Variants in ALDH1L1 observed in about 807,000 individuals in gnomAD.
The protein encoded by ALDH1L1 is aldehyde dehydrogenase 1 family member L1.
Under a neutral mutation model 101.1 loss-of-function variants are expected in ALDH1L1, and 68 were observed. That is an observed-to-expected ratio of 0.67 (90% CI 0.55 to 0.82). The LOEUF is 0.82. Ranked by LOEUF, ALDH1L1 falls within the 40% of genes least tolerant of loss-of-function variation. The pLI, the probability that ALDH1L1 is intolerant of heterozygous loss-of-function variation, is 0.00. For missense variants in ALDH1L1, 1,087 were observed against 1,172.7 expected (o/e 0.93, Z 1.07); for synonymous variants, 486 against 470.8 (o/e 1.03, Z -0.42).
At chr3:126,177,323 A>T (rs1559978891) in intron 1 of ALDH1L1, among the ~76,000 whole-genome samples, 1 of 152,256 alleles carries the variant, frequency 6.6e-6, no homozygotes, top group Non-Finnish European at 1.5e-5. Context: ...ATGTGAATGG[A>T]GAAATAAACT....
chr3:126,129,412 G>C (rs1239326511), intron 14 of ALDH1L1: 1 of 152,504 alleles, frequency 6.6e-6, no homozygotes, highest in Admixed American at 6.5e-5. Context: ...GCTCATGCCA[G>C]CTGGGCCCTG....
upstream of ALDH1L1, chr3:126,181,222 C>T: frequency 6.7e-6 from 4 of 594,336 alleles, no homozygotes; most frequent in Non-Finnish European, 9.0e-6. Context: ...CTGGCCAGCC[C>T]GGTCTCAGGC....
intron 1 of ALDH1L1, among the ~76,000 whole-genome samples, chr3:126,187,079 G>T (rs1019631040): frequency 6.6e-6 from 1 of 152,162 alleles, no homozygotes; most frequent in African/African-American, 2.4e-5. Context: ...AGCACACACT[G>T]CGAAGTGTTT....
intron 9 of ALDH1L1, among the ~76,000 whole-genome samples, chr3:126,138,557 T>C (rs2080501956): frequency 1.3e-5 from 2 of 152,188 alleles, no homozygotes; most frequent in Admixed American, 6.5e-5. Flanking sequence ...ACTGGGGAAA[T>C]GCAAATTAAA....
upstream of ALDH1L1, chr3:126,180,864 C>T (rs1028813199): frequency 2.9e-5 from 46 of 1,563,926 alleles, no homozygotes; most frequent in Non-Finnish European, 4.0e-5. Flanking sequence ...GCTGGCAGTT[C>T]TGAGCGCTGG....
rs1279364095 is a variant in ALDH1L1, at chr3:126,150,470, T to C, written c.920A>G (p.Lys307Arg). 3 of 1,551,610 alleles carry C rather than the reference T, an allele frequency of 1.9e-6. No homozygotes were observed. In the Admixed American group the frequency reaches 5.9e-5, roughly 30 times the overall value. Residue 307 changes from lysine (K) to arginine (R), a missense_variant, in exon 8 of 23, where the codon AAG (lysine) becomes AGG (arginine). Physicochemically the swap from Lys to Arg is conservative, Grantham distance 26. Around this residue, in one of 2 missense-constraint regions of ALDH1L1, gnomAD observed 645 missense variants for 637.0 expected, o/e 1.01. Coordinates refer to ENST00000393434, the MANE Select transcript of ALDH1L1 (RefSeq NM_012190.4). ...CTCAAGGACACTGCTGGCTGCCCCC[T>C]TAAAGAAGTTCGAGGCCAGGATCAT... is the stretch of plus-strand genomic sequence containing the variant. ...GKMILASNFF[K>R]GAASSVLELT...
At chr3:126,185,723 G>A (rs1451930386), upstream of ALDH1L1, among the ~76,000 whole-genome samples, 2 of 152,100 alleles carry the variant, frequency 1.3e-5, no homozygotes, top group African/African-American at 4.8e-5. Flanking sequence ...TTGTCCAGTG[G>A]TAACAAGATG....
chr3:126,123,537 T>G (rs1378744608), intron 16 of ALDH1L1, among the ~76,000 whole-genome samples: 1 of 151,640 alleles, frequency 6.6e-6, no homozygotes, highest in African/African-American at 2.4e-5. Context: ...GGATTACAGG[T>G]GTGAGCCACT....
intron 16 of ALDH1L1, among the ~76,000 whole-genome samples, chr3:126,121,682 A>G (rs1403506224): frequency 6.6e-6 from 1 of 152,234 alleles, no homozygotes; most frequent in African/African-American, 2.4e-5. Context: ...ATGGAGAAAC[A>G]TTCTTCAAGA....
chr3:126,134,208 C>T (rs1280865835), intron 12 of ALDH1L1, among the ~76,000 whole-genome samples: 1 of 152,194 alleles, frequency 6.6e-6, no homozygotes, highest in African/African-American at 2.4e-5. Context: ...AATGGGCACT[C>T]CCAGGTCTTC....
intron 22 of ALDH1L1, chr3:126,104,458 T>C (rs1945791333): frequency 6.4e-6 from 1 of 155,516 alleles, no homozygotes; most frequent in African/African-American, 2.4e-5. Context: ...AGGGTGCTGG[T>C]CCTCTCAGCA....
At chr3:126,176,858 C>G (rs2081372197) in intron 1 of ALDH1L1, among the ~76,000 whole-genome samples, 1 of 152,130 alleles carries the variant, frequency 6.6e-6, no homozygotes, top group South Asian at 2.1e-4. Context: ...TATTAAAACT[C>G]AACAGTAAAA....
intron 1 of ALDH1L1, among the ~76,000 whole-genome samples, chr3:126,191,272 C>A (rs376118564): frequency 6.6e-6 from 1 of 152,150 alleles, no homozygotes; most frequent in African/African-American, 2.4e-5. Flanking sequence ...GTGGGGCTTG[C>A]GTAAAAGTTC....
intron 1 of ALDH1L1, among the ~76,000 whole-genome samples, chr3:126,175,714 T>A (rs202026142): frequency 6.6e-6 from 1 of 152,258 alleles, no homozygotes; most frequent in East Asian, 1.9e-4. Context: ...AGAAGATCTA[T>A]GAAAAACCTA....
chr3:126,110,842 G>C (rs1037436635), intron 19 of ALDH1L1, among the ~76,000 whole-genome samples: 1 of 152,142 alleles, frequency 6.6e-6, no homozygotes, highest in Non-Finnish European at 1.5e-5. Flanking sequence ...AAATGGCTTT[G>C]TATCTTGGAT....
intron 16 of ALDH1L1, among the ~76,000 whole-genome samples, chr3:126,120,866 C>T (rs763653601): frequency 6.6e-6 from 1 of 151,962 alleles, no homozygotes; most frequent in African/African-American, 2.4e-5. Context: ...TATCAGACCA[C>T]GAAAATTCTC....
At chr3:126,129,439 G>A (rs60908852) in intron 14 of ALDH1L1, 6,817 of 152,656 alleles carry the variant, frequency 0.045, 461 homozygotes, top group African/African-American at 0.14. Flanking sequence ...GGTCACCCTG[G>A]CCAGGCTCTC....
chr3:126,178,601 G>T (rs373638806), intron 1 of ALDH1L1, among the ~76,000 whole-genome samples: 7 of 151,864 alleles, frequency 4.6e-5, no homozygotes, highest in African/African-American at 1.7e-4. Context: ...AGTCCAATTG[G>T]GTTAAAAATA....
At chr3:126,114,799 C>CCCCCCCCCCCCGCCT in intron 17 of ALDH1L1, 143 bp from the exon 18 acceptor site, 1 of 748,472 alleles carries the variant, frequency 1.3e-6, no homozygotes, top group Non-Finnish European at 2.4e-6. Context: ...CCACTCCCCC[C>CCCCCCCCCCCCGCCT]CACCCCTTGC....
Sources: gnomAD v4.1 joint callset for allele counts (sites outside exome capture counted in the v4.1 genomes callset) on GRCh38, gnomAD v4.1.1 for gene constraint, gnomAD v4.1.1 regional missense constraint, MANE v1.5 for transcripts, NCBI Gene and HGNC (gene_info 2026-07-23, HGNC 2026-07-21) for gene names.